Variants in PRKG2 observed in about 807,000 individuals in gnomAD.
The protein encoded by PRKG2 is protein kinase cGMP-dependent 2.
In PRKG2, 33 loss-of-function variants were observed where a neutral mutation model predicts 97.2. That is an observed-to-expected ratio of 0.34 (90% CI 0.26 to 0.45). The LOEUF is 0.45. PRKG2 is among the 20% of genes least tolerant of loss of function. PRKG2 has a pLI of 1.00. For missense variants in PRKG2, 638 were observed against 900.0 expected (o/e 0.71, Z 3.73); for synonymous variants, 330 against 321.8 (o/e 1.03, Z -0.27).
rs193192489 is a variant in PRKG2 at position 81,179,073 on chromosome 4, C to T, written c.462-4114G>A. The stretch of plus-strand genomic sequence containing the variant: ...CCGGGAGGCAGAGGTTGCAGTGAGC[C>T]GAGATTGTGCCACTTGCACTCCAGC... On this transcript the variant is annotated intron_variant, in intron 2 of 18. Coordinates refer to ENST00000264399, the MANE Select transcript of PRKG2 (RefSeq NM_006259.3). Among the ~76,000 whole-genome samples, 174 of 151,142 alleles carry T rather than the reference C, an allele frequency of 1.2e-3. 1 individual carries two copies. The highest frequency in any genetic ancestry group is 0.01 in the Middle Eastern group (3 of 292).
chr4:81,187,630 G>GA (rs1395572920), intron 2 of PRKG2, among the ~76,000 whole-genome samples: 1 of 151,634 alleles, frequency 6.6e-6, no homozygotes, highest in East Asian at 1.9e-4. Context: ...TCAGGCAAGA[G>GA]AAAAAAAATA....
chr4:81,132,530 C>G (rs564247627), intron 14 of PRKG2, among the ~76,000 whole-genome samples: 105 of 152,226 alleles, frequency 6.9e-4, no homozygotes, highest in African/African-American at 2.5e-3. Context: ...ATTCCCCATT[C>G]CTTATACACT....
chr4:81,211,190 C>T (rs1440718597), intron 1 of PRKG2, among the ~76,000 whole-genome samples: 2 of 152,114 alleles, frequency 1.3e-5, no homozygotes, highest in Admixed American at 1.3e-4. Flanking sequence ...AAACTATGGA[C>T]TTTAATAATA....
At chr4:81,133,044 C>A (rs886556637) in intron 14 of PRKG2, among the ~76,000 whole-genome samples, 1 of 151,876 alleles carries the variant, frequency 6.6e-6, no homozygotes, top group African/African-American at 2.4e-5. Flanking sequence ...TCTTTGTGTC[C>A]TGAGTTGAGA....
At chr4:81,131,431 A>T (rs1458101154) in intron 14 of PRKG2, among the ~76,000 whole-genome samples, 1 of 152,198 alleles carries the variant, frequency 6.6e-6, no homozygotes, top group Non-Finnish European at 1.5e-5. Context: ...CTTGCCAGCC[A>T]CCATGAAGTG....
At chr4:81,175,830 A>T (rs886278846) in intron 2 of PRKG2, among the ~76,000 whole-genome samples, 3 of 152,208 alleles carry the variant, frequency 2.0e-5, no homozygotes, top group Admixed American at 6.5e-5. Flanking sequence ...AATGAAAATT[A>T]TTCATATGTA....
chr4:81,090,431 T>C (rs1012922651), intron 18 of PRKG2, among the ~76,000 whole-genome samples: 15 of 152,118 alleles, frequency 9.9e-5, no homozygotes, highest in Middle Eastern at 3.2e-3. Context: ...AATCAAAATC[T>C]GCTAGCGTTC....
intron 14 of PRKG2, among the ~76,000 whole-genome samples, chr4:81,116,451 T>C (rs975615448): frequency 6.6e-6 from 1 of 152,186 alleles, no homozygotes; most frequent in Admixed American, 6.5e-5. Context: ...GTTGATTCCA[T>C]GTTTTTGCTC....
intron 2 of PRKG2, among the ~76,000 whole-genome samples, chr4:81,186,987 C>A (rs1446603098): frequency 7.2e-6 from 1 of 139,084 alleles, no homozygotes; most frequent in Non-Finnish European, 1.5e-5. Context: ...TAATTAATAG[C>A]CTACCAATCA....
upstream of PRKG2, among the ~76,000 whole-genome samples, chr4:81,215,724 C>T (rs1232046423): frequency 2.0e-5 from 3 of 150,912 alleles, no homozygotes; most frequent in Non-Finnish European, 4.4e-5. Flanking sequence ...GACTCTGGGG[C>T]CATAACTTAC....
chr4:81,144,211 G>C (rs760140009), intron 10 of PRKG2, 21 bp downstream of exon 10: 20 of 1,578,078 alleles, frequency 1.3e-5, no homozygotes, highest in African/African-American at 2.7e-5. Context: ...CTCCGGCTCA[G>C]GAAAACATTC....
chr4:81,195,867 C>T (rs1349100901), intron 2 of PRKG2, among the ~76,000 whole-genome samples: 3 of 152,172 alleles, frequency 2.0e-5, no homozygotes, highest in African/African-American at 4.8e-5. Flanking sequence ...TTTACCTACC[C>T]GGCATAGCCA....
intron 8 of PRKG2, 85 bp from the exon 9 acceptor site, chr4:81,149,037 T>A (rs1286242631): frequency 1.6e-6 from 2 of 1,273,958 alleles, no homozygotes; most frequent in African/African-American, 2.9e-5. Flanking sequence ...TAACTTTGTA[T>A]GAAAACACCA....
At chr4:81,103,970 G>A (rs2109967176) in intron 17 of PRKG2, among the ~76,000 whole-genome samples, 1 of 152,258 alleles carries the variant, frequency 6.6e-6, no homozygotes, top group African/African-American at 2.4e-5. Context: ...GGTGGAGATT[G>A]CAATGAGCCA....
At chr4:81,205,731 A>G (rs1483958246) in intron 1 of PRKG2, among the ~76,000 whole-genome samples, 1 of 152,198 alleles carries the variant, frequency 6.6e-6, no homozygotes, top group African/African-American at 2.4e-5. Flanking sequence ...GGATCTCCAA[A>G]ATGTACGACC....
At chr4:81,148,751 A>G (rs1437843115) in intron 9 of PRKG2, 133 bp downstream of exon 9, 1 of 792,356 alleles carries the variant, frequency 1.3e-6, no homozygotes, top group Non-Finnish European at 2.2e-6. Context: ...TTTTAATAGA[A>G]TGTACTTGCA....
At chr4:81,102,382 G>T (rs931501801) in intron 17 of PRKG2, among the ~76,000 whole-genome samples, 1 of 152,196 alleles carries the variant, frequency 6.6e-6, no homozygotes, top group Admixed American at 6.6e-5. Flanking sequence ...TCCATAATGA[G>T]AGAAAGGAAG....
chr4:81,107,000 G>A lies in PRKG2; in HGVS notation c.1941-1065C>T, dbSNP rs141789302. 4.3e-4 allele frequency among the ~76,000 whole-genome samples: 66 copies of A among 152,294 alleles called. No individual in the cohort carries two copies. The East Asian group carries it at 0.012, about 27-fold the overall frequency. ...TAAGCCACCCAGTTTATAGTATTTT[G>A]CTATAGCAGCCCAAGCTGACTAAGA... On this transcript the variant is annotated intron_variant, in intron 15 of 18. Transcript: ENST00000264399.
chr4:81,212,110 C>A (rs989445), intron 1 of PRKG2, among the ~76,000 whole-genome samples: 19,076 of 152,124 alleles, frequency 0.13, 1,966 homozygotes, highest in East Asian at 0.32. Flanking sequence ...TTAAAAGCAT[C>A]TGTCCATCCA....
Sources: allele counts gnomAD v4.1 joint callset (sites outside exome capture counted in the v4.1 genomes callset), GRCh38; gene constraint gnomAD v4.1.1; transcripts MANE v1.5; gene names NCBI Gene and HGNC (gene_info 2026-07-23, HGNC 2026-07-21).